The following CFAP61 variants were observed in gnomAD, a reference collection of about 807,000 sequenced individuals.
CFAP61 encodes cilia- and flagella-associated protein 61.
CFAP61 carries 107 observed loss-of-function variants against 135.6 expected under a neutral mutation model. The ratio of observed to expected loss-of-function variants is 0.79; its 90% CI spans 0.67 to 0.93. The LOEUF (loss-of-function observed/expected upper bound fraction) is 0.93. Among genes scored for constraint, CFAP61 ranks in the 40% least tolerant of loss-of-function variants. The probability of loss-of-function intolerance (pLI) is 0.00; values close to 1 mark genes in which losing one functional copy is unlikely to be tolerated. For missense variants in CFAP61, 1,507 were observed against 1,556.2 expected (o/e 0.97, Z 0.53); for synonymous variants, 575 against 578.5 (o/e 0.99, Z 0.09).
chr20:20,107,599 C>G (rs2048502391), intron 8 of CFAP61: 1 of 151,668 alleles, frequency 6.6e-6, no homozygotes, highest in African/African-American at 2.4e-5. Flanking sequence ...TATATGTATC[C>G]AACTCTGTGG....
intron 3 of CFAP61, 23 bp from the exon 4 acceptor site, chr20:20,074,279 C>A: frequency 6.2e-7 from 1 of 1,608,252 alleles, no homozygotes; most frequent in Non-Finnish European, 8.5e-7. Flanking sequence ...AGCCTTTAAT[C>A]CGTGTTCTCT....
intron 25 of CFAP61, among the ~76,000 whole-genome samples, chr20:20,309,386 G>A (rs1397582133): frequency 3.9e-5 from 6 of 152,128 alleles, no homozygotes; most frequent in African/African-American, 1.4e-4. Flanking sequence ...GGGGAACTGC[G>A]ATTTCCTCCT....
rs145480673 is a variant in CFAP61 at position 20,353,322 on chromosome 20, G to A, written c.3514-6888G>A. On this transcript the variant is annotated intron_variant, in intron 26 of 26. Coordinates refer to ENST00000245957, the MANE Select transcript of CFAP61 (RefSeq NM_015585.4). ...AAAGGTTAATTGGCATGTCTAAATG[G>A]TCCCAGTGTGCGTGAGTGTGGGTGC... Among the ~76,000 whole-genome samples, 248 of 152,250 alleles carry A rather than the reference G, an allele frequency of 1.6e-3. 4 individuals are homozygous for A. The highest frequency in any genetic ancestry group is 1.2e-3 in the South Asian group (6 of 4,816).
At chr20:20,338,168 C>T (rs1261247412) in intron 25 of CFAP61, among the ~76,000 whole-genome samples, 1 of 152,194 alleles carries the variant, frequency 6.6e-6, no homozygotes, top group Non-Finnish European at 1.5e-5. Context: ...CCTCTGGCAT[C>T]ACAAGATTGA....
chr20:20,257,481 G>GGC (rs2051710097), intron 20 of CFAP61, among the ~76,000 whole-genome samples: 1 of 152,044 alleles, frequency 6.6e-6, no homozygotes, highest in Admixed American at 6.5e-5. Flanking sequence ...CAGGTGTGGT[G>GGC]GCAGGGTCTT....
chr20:20,174,398 C>T (rs1216104953), intron 13 of CFAP61, among the ~76,000 whole-genome samples: 4 of 152,216 alleles, frequency 2.6e-5, no homozygotes, highest in Non-Finnish European at 5.9e-5. Context: ...AGACATCCCT[C>T]GAAACCCACA....
At chr20:20,070,783 A>G (rs1003446041) in intron 2 of CFAP61, 71 bp from the exon 3 acceptor site, 26 of 1,446,292 alleles carry the variant, frequency 1.8e-5, no homozygotes, top group Non-Finnish European at 2.4e-5. Context: ...AGCCAGAGGG[A>G]AAAAAATGGC....
intron 13 of CFAP61, among the ~76,000 whole-genome samples, chr20:20,172,823 T>A (rs746184638): frequency 2.0e-5 from 3 of 152,206 alleles, no homozygotes; most frequent in African/African-American, 4.8e-5. Flanking sequence ...ACATTAGGGT[T>A]CGCTGTTGGT....
intron 25 of CFAP61, among the ~76,000 whole-genome samples, chr20:20,332,845 T>G (rs1359036852): frequency 2.6e-5 from 4 of 152,134 alleles, no homozygotes; most frequent in Non-Finnish European, 5.9e-5. Context: ...GGTCTCAAGC[T>G]CCTGTCCTCA....
At chr20:20,165,011 A>G (rs1039106930) in intron 11 of CFAP61, among the ~76,000 whole-genome samples, 1 of 152,192 alleles carries the variant, frequency 6.6e-6, no homozygotes, top group Non-Finnish European at 1.5e-5. Flanking sequence ...TGATTCAGTT[A>G]TCTCCCACAG....
chr20:20,152,471 A>G (rs191995964), intron 9 of CFAP61, among the ~76,000 whole-genome samples: 1 of 152,346 alleles, frequency 6.6e-6, no homozygotes, highest in African/African-American at 2.4e-5. Context: ...TGCTGTCTTG[A>G]AGAGACTCAC....
At chr20:20,268,085 A>T (rs547147739) in intron 21 of CFAP61, among the ~76,000 whole-genome samples, 1 of 152,354 alleles carries the variant, frequency 6.6e-6, no homozygotes, top group Admixed American at 6.5e-5. Context: ...CTTTTTCTTC[A>T]TGTCACCCTA....
intron 18 of CFAP61, among the ~76,000 whole-genome samples, chr20:20,241,402 T>A (rs988817840): frequency 3.9e-5 from 6 of 152,218 alleles, no homozygotes; most frequent in African/African-American, 1.4e-4. Flanking sequence ...AAACCTGTTT[T>A]TTAATGTATT....
chr20:20,245,983 G>A (rs557406375), intron 18 of CFAP61, 134 bp from the exon 19 acceptor site: 6 of 622,370 alleles, frequency 9.6e-6, no homozygotes, highest in Admixed American at 5.9e-5. Flanking sequence ...CTGAAGGTTC[G>A]TGCAAAGAAT....
chr20:20,275,439 G>A (rs1254453904), intron 21 of CFAP61, among the ~76,000 whole-genome samples: 1 of 152,168 alleles, frequency 6.6e-6, no homozygotes, highest in Non-Finnish European at 1.5e-5. Flanking sequence ...CTGTAATTTT[G>A]AAATCAGATA....
chr20:20,287,102 G>A (rs909251828), intron 22 of CFAP61, among the ~76,000 whole-genome samples: 2 of 152,118 alleles, frequency 1.3e-5, no homozygotes, highest in African/African-American at 4.8e-5. Flanking sequence ...AGCAAAAAAG[G>A]AGTGTAGGGA....
chr20:20,329,934 T>C (rs1196072276), intron 25 of CFAP61, among the ~76,000 whole-genome samples: 1 of 152,210 alleles, frequency 6.6e-6, no homozygotes, highest in Non-Finnish European at 1.5e-5. Flanking sequence ...CGTATTGTGG[T>C]TCTCTTTACA....
At chr20:20,274,920 G>A (rs1569227291) in intron 21 of CFAP61, among the ~76,000 whole-genome samples, 1 of 152,152 alleles carries the variant, frequency 6.6e-6, no homozygotes, top group Admixed American at 6.5e-5. Context: ...AATCACTCAG[G>A]CAGTCATCTC....
chr20:20,337,581 GAT>G (rs1491072129), intron 25 of CFAP61, among the ~76,000 whole-genome samples: 1 of 2,028 alleles, frequency 4.9e-4, no homozygotes, highest in African/African-American at 6.4e-4. Context: ...TGGATGGATA[GAT>G]GTGGGTGGAT....
Sources: allele counts gnomAD v4.1 joint callset (sites outside exome capture counted in the v4.1 genomes callset), GRCh38; gene constraint gnomAD v4.1.1; transcripts MANE v1.5; gene names NCBI Gene and HGNC (gene_info 2026-07-23, HGNC 2026-07-21).